The following DNAH17 variants were observed in gnomAD, a reference collection of about 807,000 sequenced individuals.
DNAH17 encodes the protein dynein axonemal heavy chain 17.
A neutral mutation model predicts 485.6 loss-of-function variants in DNAH17; 376 were observed. The ratio of observed to expected loss-of-function variants is 0.77; its 90% confidence interval spans 0.71 to 0.84. The LOEUF is 0.84. Ranked by LOEUF, DNAH17 falls within the 40% of genes least tolerant of loss-of-function variation. The pLI, the probability that DNAH17 is intolerant of heterozygous loss-of-function variation, is 0.00. For synonymous variants in DNAH17, 3,031 were observed against 2,405.9 expected, an observed-to-expected ratio of 1.26 and a Z score of -7.60; for missense variants, 6,370 against 5,839.3, an observed-to-expected ratio of 1.09 and a Z score of -2.96.
chr17:78,532,848 ATC>A lies in DNAH17; in HGVS notation c.2860-114_2860-113del. On this transcript the variant is annotated intron_variant, in intron 19 of 80. Transcript: ENST00000389840. ...TTCTCTGTTGGCGAAAGGGCTTCCA[ATC>A]TCTCATGATGACCTGCTCTTTTTCC... 9.0e-6 allele frequency: 11 copies of A among 1,228,340 alleles called. No homozygotes were observed. In the South Asian group the frequency reaches 1.6e-4, roughly 17 times the overall value. 76.1% of individuals were successfully genotyped at this position (1,228,340 alleles called of 1,614,324 possible).
At position 78,564,564 on chromosome 17, in the gene DNAH17, G is replaced by A. The variant is rs556747759; in HGVS notation, c.1569+2050C>T. Among the ~76,000 whole-genome samples the A allele has an allele frequency of 3.3e-5, 5 of 151,942 alleles. No individual in the cohort carries two copies. In the South Asian group the frequency reaches 6.2e-4, roughly 19 times the overall value. ...ATTGGCTCCATTGGGACCCTTCTGC[G>A]CTGGGGCAGTCCTGACGCTTTTGTG... On this transcript the variant is annotated intron_variant, in intron 11 of 80. Transcript: ENST00000389840.
chr17:78,522,915 T>A, intron 25 of DNAH17: 1 of 159,942 alleles, frequency 6.3e-6, no homozygotes, highest in Non-Finnish European at 1.4e-5. Context: ...GTGCAGTGGC[T>A]CCATCATAGC....
At chr17:78,544,135 T>TA in intron 16 of DNAH17, 138 bp from the exon 17 acceptor site, 1 of 1,261,532 alleles carries the variant, frequency 7.9e-7, no homozygotes. Flanking sequence ...CCACGATCCA[T>TA]GCCCATCAGG....
At chr17:78,447,733 A>T (rs546615164) in intron 69 of DNAH17, among the ~76,000 whole-genome samples, 109 of 151,090 alleles carry the variant, frequency 7.2e-4, no homozygotes, top group African/African-American at 2.6e-3. Flanking sequence ...TCACATGTAA[A>T]AGGAACCTTC....
chr17:78,575,036 T>C lies in DNAH17; in HGVS notation c.22A>G (p.Arg8Gly). The stretch of plus-strand genomic sequence containing the variant: ...GCAACTTCCTCCAGATACTCTAGTC[T>C]GACGTCCGGGGCCATTGTCATCTTG... Reference protein sequence around the residue: MTMAPDVRLEYLEEVASI... With the variant: MTMAPDVGLEYLEEVASI... Residue 8 changes from arginine to glycine, a missense_variant, in exon 2 of 81, where the codon AGA becomes GGA. Physicochemically the swap from Arg to Gly is moderately radical, Grantham distance 125 (BLOSUM62 -2). Transcript: ENST00000389840. 6.2e-7 allele frequency: 1 copy of C among 1,613,498 alleles called. No homozygotes were observed. Among genetic ancestry groups the C allele is most frequent in the South Asian group, 1.1e-5 (1 of 91,016 alleles).
Position 78,501,384 on chromosome 17 carries a change from C to T in DNAH17, c.5323-40G>A, listed in dbSNP as rs750030302. 4 of 1,560,724 alleles carry T rather than the reference C, an allele frequency of 2.6e-6. 1 individual carries two copies. The South Asian group carries it at 3.5e-5, about 14-fold the overall frequency. On this transcript the variant is annotated intron_variant, in intron 34 of 80. Coordinates refer to ENST00000389840, the MANE Select transcript of DNAH17 (RefSeq NM_173628.4). ...GGAGCTCTTGTTGCCAGGTGGAATA[C>T]AAGAGCTAGGGCTGCCTAAGGAAGG...
At chr17:78,444,839 C>T (rs746804593) in intron 70 of DNAH17, 42 bp from the exon 71 acceptor site, 3 of 1,526,544 alleles carry the variant, frequency 2.0e-6, no homozygotes, top group South Asian at 1.3e-5. Context: ...TTCCCACTTA[C>T]CCGGGTCCCG....
At chr17:78,518,520 G>A (rs1201029914) in intron 25 of DNAH17, among the ~76,000 whole-genome samples, 1 of 152,162 alleles carries the variant, frequency 6.6e-6, no homozygotes, top group Non-Finnish European at 1.5e-5. Context: ...GGAGCTGAAA[G>A]GAGAAATAAA....
chr17:78,532,059 G>A (rs1331220588), intron 20 of DNAH17, among the ~76,000 whole-genome samples: 1 of 152,180 alleles, frequency 6.6e-6, no homozygotes, highest in African/African-American at 2.4e-5. Flanking sequence ...TTACCTTCTG[G>A]GCTGCTACCC....
chr17:78,455,358 C>G (rs1568075242), intron 63 of DNAH17, among the ~76,000 whole-genome samples: 1 of 151,504 alleles, frequency 6.6e-6, no homozygotes, highest in Non-Finnish European at 1.5e-5. Flanking sequence ...TGGGGTCTCG[C>G]TGTGTCGTCC....
At chr17:78,504,402 G>C (rs2090414764) in intron 31 of DNAH17, among the ~76,000 whole-genome samples, 1 of 152,024 alleles carries the variant, frequency 6.6e-6, no homozygotes, top group African/African-American at 2.4e-5. Context: ...GTGCAGGCAG[G>C]CCTCGCTGTG....
chr17:78,468,281 T>A (rs1205599612), intron 55 of DNAH17, among the ~76,000 whole-genome samples: 1 of 152,172 alleles, frequency 6.6e-6, no homozygotes, highest in Non-Finnish European at 1.5e-5. Flanking sequence ...GAGGGGAGCA[T>A]CTTCAAAAAT....
At chr17:78,544,975 A>C (rs74611993) in intron 16 of DNAH17, among the ~76,000 whole-genome samples, 1 of 152,046 alleles carries the variant, frequency 6.6e-6, no homozygotes, top group Non-Finnish European at 1.5e-5. Flanking sequence ...GTCTTTGGCC[A>C]TATCTCCCTA....
rs574388881 is a variant in DNAH17, at chr17:78,537,091, T to A, written c.2859+208A>T. Among the ~76,000 whole-genome samples, 535 of 149,228 alleles carry A rather than the reference T, an allele frequency of 3.6e-3. 1 individual carries two copies. Among genetic ancestry groups the A allele is most frequent in the Admixed American group, 8.1e-3 (121 of 14,970 alleles). ...TACTCGGGACGCTGAGGCAGGAGAA[T>A]GGCTTGAACCCAGGAGGCGGAGGTT... is the stretch of plus-strand genomic sequence containing the variant. On this transcript the variant is annotated intron_variant, in intron 19 of 80. Coordinates refer to ENST00000389840, the MANE Select transcript of DNAH17 (RefSeq NM_173628.4).
Position 78,551,697 on chromosome 17 carries a change from C to T in DNAH17, c.2288-59G>A, listed in dbSNP as rs1197768411. 2.6e-6 allele frequency: 4 copies of T among 1,553,938 alleles called. No homozygotes were observed. In the Admixed American group the frequency reaches 5.0e-5, roughly 20 times the overall value. ...GAACAATTCAGGCTGGGCGCGGTGG[C>T]TCAAGCTTGTAATCTCAGCCCTTTG... On this transcript the variant is annotated intron_variant, in intron 15 of 80. Coordinates refer to ENST00000389840, the MANE Select transcript of DNAH17 (RefSeq NM_173628.4).
chr17:78,514,648 C>G (rs2090731479), intron 26 of DNAH17, 126 bp downstream of exon 26: 3 of 1,323,354 alleles, frequency 2.3e-6, no homozygotes, highest in Non-Finnish European at 3.0e-6. Context: ...CGAAGCCAGC[C>G]CTGCCCACAT....
At chr17:78,521,116 T>C (rs1238217476) in intron 25 of DNAH17, among the ~76,000 whole-genome samples, 2 of 152,104 alleles carry the variant, frequency 1.3e-5, no homozygotes. Flanking sequence ...ATAAATTAAA[T>C]GGAGCGGGGC....
At chr17:78,462,162 ACT>A (rs1003980910) in intron 57 of DNAH17, among the ~76,000 whole-genome samples, 8 of 151,016 alleles carry the variant, frequency 5.3e-5, no homozygotes, top group Admixed American at 5.3e-4. Context: ...ACAGAGCGAG[ACT>A]CTGTCTCAAA....
rs138779656 is a variant in DNAH17, at chr17:78,457,721, C to T, written c.9977+844G>A. On this transcript the variant is annotated intron_variant, in intron 62 of 80. Coordinates refer to ENST00000389840, the MANE Select transcript of DNAH17 (RefSeq NM_173628.4). ...TGTCACCCAGGCTGGAGTACAATGG[C>T]GCGATCTCGGCTCACTGCAACCTCC... Among the ~76,000 whole-genome samples the T allele has an allele frequency of 4.1e-3, 593 of 144,966 alleles. 3 individuals carry two copies. Among genetic ancestry groups the T allele is most frequent in the African/African-American group, 0.015 (572 of 39,028 alleles).
Sources: allele counts gnomAD v4.1 joint callset (sites outside exome capture counted in the v4.1 genomes callset), GRCh38; gene constraint gnomAD v4.1.1; transcripts MANE v1.5; gene names NCBI Gene and HGNC (gene_info 2026-07-23, HGNC 2026-07-21).